CYREN: variants seen among roughly 807,000 people sequenced by gnomAD.
CYREN encodes the protein cell cycle regulator of NHEJ, also known as cell cycle regulator of non-homologous end joining.
CYREN carries 7 observed loss-of-function variants against 9.7 expected under a neutral mutation model. That is an observed-to-expected ratio of 0.72 (90% confidence interval 0.41 to 1.36). The LOEUF (loss-of-function observed/expected upper bound fraction) is 1.36. CYREN is among the 40% of genes most tolerant of loss of function. The pLI is 0.01. For synonymous variants in CYREN, 76 were observed against 77.9 expected, an observed-to-expected ratio of 0.98 and a Z score of 0.13; for missense variants, 215 against 198.1, an observed-to-expected ratio of 1.09 and a Z score of -0.51.
chr7:135,129,121 CAG>C (rs1828364431), intron 2 of CYREN: 15 of 1,547,382 alleles, frequency 9.7e-6, no homozygotes, highest in Non-Finnish European at 1.3e-5. Flanking sequence ...CTAGTGGAAG[CAG>C]AGTTATTTGC....
chr7:135,162,806 T>C (rs1829980087), downstream of CYREN, among the ~76,000 whole-genome samples: 1 of 152,188 alleles, frequency 6.6e-6, no homozygotes, highest in Non-Finnish European at 1.5e-5. Flanking sequence ...TACACATATG[T>C]AAAATACAGT....
Position 135,119,558 on chromosome 7 carries a change from C to CA in CYREN, n.357-24977dup, listed in dbSNP as rs959003063. Among the ~76,000 whole-genome samples the CA allele has an allele frequency of 2.6e-4, 36 of 139,884 alleles. 1 individual carries two copies. Among genetic ancestry groups the CA allele is most frequent in the South Asian group, 4.9e-4 (2 of 4,094 alleles). 91.8% of individuals were successfully genotyped at this position (139,884 alleles called of 152,430 possible). On this transcript the variant is annotated intron_variant and non_coding_transcript_variant, in intron 2 of 2. Coordinates refer to the CYREN transcript ENST00000459937. ...AAAATTTAACTTCTGAAAATGAGAC[C>CA]AAAAAAAAAAGAAAAAACTATCGAA...
At chr7:135,169,313 C>T (rs59667275) in intron 1 of CYREN, 13,582 of 158,228 alleles carry the variant, frequency 0.086, 680 homozygotes, top group African/African-American at 0.14. Context: ...TGCTGACTGA[C>T]TCAGCACAGG....
rs759128937 is a variant in CYREN, at chr7:135,168,869, T to A, written c.54A>T (p.Thr18=). ...CCACATTCTTTGTAGCCACCTGGGC[T>A]GTCAGCCATGAGGGAAGGACCCTCG... ...TKTRVLPSWL[T]AQVATKNVAP... Residue 18 remains threonine (T), a synonymous_variant, in exon 2 of 4, where the codon ACA becomes ACT. Coordinates refer to ENST00000393114, the MANE Select transcript of CYREN (RefSeq NM_024033.4). The A allele has an allele frequency of 1.4e-5, 22 of 1,613,884 alleles. No homozygotes were observed. In the Admixed American group the frequency reaches 3.7e-4, roughly 27 times the overall value.
At chr7:135,167,144 G>A in intron 3 of CYREN, 1 of 985,424 alleles carries the variant, frequency 1.0e-6, no homozygotes, top group Non-Finnish European at 1.2e-6. Flanking sequence ...AGAAATGGAA[G>A]AAACATGTCT....
intron 2 of CYREN, among the ~76,000 whole-genome samples, chr7:135,128,061 A>G (rs1351281249): frequency 3.9e-5 from 6 of 152,090 alleles, no homozygotes. Context: ...TGGGAGGCCA[A>G]GGTGGGTGGA....
intron 2 of CYREN, among the ~76,000 whole-genome samples, chr7:135,137,487 C>T (rs190708301): frequency 2.6e-5 from 4 of 151,860 alleles, no homozygotes; most frequent in East Asian, 1.9e-4. Flanking sequence ...GCAGTAATGA[C>T]GGAGAATTTC....
chr7:135,105,701 C>T (rs1342519673), intron 2 of CYREN, among the ~76,000 whole-genome samples: 1 of 152,040 alleles, frequency 6.6e-6, no homozygotes, highest in Non-Finnish European at 1.5e-5. Context: ...TTAGGATTGC[C>T]TTTGCTATTT....
chr7:135,096,722 G>A (rs1822879338), intron 2 of CYREN, among the ~76,000 whole-genome samples: 1 of 74,136 alleles, frequency 1.3e-5, no homozygotes, highest in Non-Finnish European at 2.8e-5. Context: ...GAAAGAAAGA[G>A]AAGAAAGAAA....
rs533876529 is a variant in CYREN at position 135,108,291 on chromosome 7, G to A, written n.357-13709C>T. Among the ~76,000 whole-genome samples the A allele has an allele frequency of 2.6e-5, 4 of 152,272 alleles. No homozygotes were observed. In the East Asian group the frequency reaches 7.7e-4, roughly 29 times the overall value. Reference sequence around the variant, plus strand: ...CTGTTTATTATGCTGGCTGGCTTGTGTGATTGCTTTATAGTGTCACTGGTC... The same window carrying A: ...CTGTTTATTATGCTGGCTGGCTTGTATGATTGCTTTATAGTGTCACTGGTC... On this transcript the variant is annotated intron_variant and non_coding_transcript_variant, in intron 2 of 2. Transcript: ENST00000459937.
intron 2 of CYREN, among the ~76,000 whole-genome samples, chr7:135,122,378 C>T (rs990465029): frequency 6.6e-5 from 10 of 152,210 alleles, no homozygotes; most frequent in African/African-American, 2.4e-4. Flanking sequence ...AGGGACAGAA[C>T]CCAGATCTCC....
intron 2 of CYREN, among the ~76,000 whole-genome samples, chr7:135,158,712 T>C (rs1370264088): frequency 6.7e-6 from 1 of 150,076 alleles, no homozygotes; most frequent in Non-Finnish European, 1.5e-5. Context: ...GAAAAGAAGC[T>C]GTGGGGAGGG....
chr7:135,096,363 C>G (rs6956619), intron 2 of CYREN, among the ~76,000 whole-genome samples: 139,015 of 146,178 alleles, frequency 0.95, 66,437 homozygotes, highest in Non-Finnish European at 1. Flanking sequence ...AAGAGAGAGA[C>G]AGACAGACAG....
intron 2 of CYREN, among the ~76,000 whole-genome samples, chr7:135,116,527 G>T (rs1404340039): frequency 6.6e-6 from 1 of 152,190 alleles, no homozygotes; most frequent in East Asian, 1.9e-4. Context: ...AATGGGGAGA[G>T]AAAGAGGTAC....
rs143625615 is a variant in CYREN at position 135,140,656 on chromosome 7, C to A, written n.356+28093G>T. On this transcript the variant is annotated intron_variant and non_coding_transcript_variant, in intron 2 of 2. Transcript: ENST00000459937. ...TTTGTGCCCATTTTCAAAGGGAATG[C>A]TTCCAGCTTTTGCCCATTTAGTATG... Among the ~76,000 whole-genome samples the A allele has an allele frequency of 2.1e-3, 318 of 152,180 alleles. 1 individual carries two copies. Among genetic ancestry groups the A allele is most frequent in the African/African-American group, 7.0e-3 (290 of 41,536 alleles).
chr7:135,135,663 A>G (rs1395462858), intron 2 of CYREN: 1 of 155,142 alleles, frequency 6.4e-6, no homozygotes, highest in Non-Finnish European at 1.4e-5. Context: ...AACAAACATC[A>G]TTTCCTGATT....
intron 2 of CYREN, among the ~76,000 whole-genome samples, chr7:135,137,192 T>C (rs1458052245): frequency 2.0e-5 from 3 of 151,606 alleles, no homozygotes; most frequent in African/African-American, 7.3e-5. Context: ...AGATGGGTAA[T>C]ATAAGCAGAG....
chr7:135,170,414 A>G (rs539726877), intron 1 of CYREN: 6 of 152,398 alleles, frequency 3.9e-5, no homozygotes, highest in African/African-American at 1.4e-4. Flanking sequence ...GGAGGCCCAG[A>G]GGGCGGGTGA....
At chr7:135,158,759 C>T (rs1335907545) in intron 2 of CYREN, among the ~76,000 whole-genome samples, 1 of 152,208 alleles carries the variant, frequency 6.6e-6, no homozygotes, top group Non-Finnish European at 1.5e-5. Context: ...CAGCCCACAG[C>T]AGGGCAGCAG....
Sources: allele counts gnomAD v4.1 joint callset (sites outside exome capture counted in the v4.1 genomes callset), GRCh38; gene constraint gnomAD v4.1.1; transcripts MANE v1.5; gene names NCBI Gene and HGNC (gene_info 2026-07-23, HGNC 2026-07-21).